DIS3L2: variants seen among roughly 807,000 people sequenced by gnomAD.
The protein encoded by DIS3L2 is DIS3-like exonuclease 2.
A neutral mutation model predicts 97.5 loss-of-function variants in DIS3L2; 34 were observed. The observed-to-expected ratio is 0.35, with a 90% CI of 0.27 to 0.46. The LOEUF is 0.46. Ranked by LOEUF, DIS3L2 falls within the 20% of genes least tolerant of loss-of-function variation. The pLI is 1.00. For synonymous variants in DIS3L2, 435 were observed against 445.2 expected (o/e 0.98, Z 0.29); for missense variants, 1,038 against 1,146.0 (o/e 0.91, Z 1.36).
intron 14 of DIS3L2, among the ~76,000 whole-genome samples, chr2:232,309,834 A>G (rs191063839): frequency 4.6e-5 from 7 of 152,336 alleles, no homozygotes; most frequent in African/African-American, 1.7e-4. Flanking sequence ...AGTTGGGGAC[A>G]TTGTCAGTAG....
rs202227137 is a variant in DIS3L2 at position 232,329,909 on chromosome 2, G to A, written c.1836G>A (p.Pro612=). 6.8e-5 allele frequency: 109 copies of A among 1,607,572 alleles called. No individual in the cohort carries two copies. The highest frequency in any genetic ancestry group is 2.5e-4 in the Admixed American group (15 of 59,370). The part of the protein sequence containing the change: ...PEQALLRRHP[P]PQTRMLSDLV... The stretch of plus-strand genomic sequence containing the variant: ...AGGCCCTGCTGCGCCGGCACCCCCC[G>A]CCCCAAACAAGGATGCTCAGTGACC... The change falls in exon 15 of 21, where the codon CCG becomes CCA. Residue 612 remains proline, a synonymous_variant. Coordinates refer to ENST00000325385, the MANE Select transcript of DIS3L2 (RefSeq NM_152383.5).
intron 4 of DIS3L2, among the ~76,000 whole-genome samples, chr2:232,028,956 G>A (rs908226432): frequency 5.9e-5 from 9 of 152,168 alleles, no homozygotes; most frequent in Non-Finnish European, 1.0e-4. Flanking sequence ...TTTGTAAGTG[G>A]AAGCTGTAAA....
intron 8 of DIS3L2, 125 bp from the exon 9 acceptor site, chr2:232,163,334 T>C: frequency 1.1e-6 from 1 of 884,760 alleles, no homozygotes; most frequent in South Asian, 1.9e-5. Flanking sequence ...CGGATGATCA[T>C]GTTTCTACTG....
chr2:232,329,786 C>CCCAGG, intron 14 of DIS3L2, 27 bp from the exon 15 acceptor site: 1 of 430,234 alleles, frequency 2.3e-6, no homozygotes, highest in Non-Finnish European at 4.2e-6. Flanking sequence ...CCCCAGCGGT[C>CCCAGG]CCTCCCATCC....
In DIS3L2 at chr2:232,238,908, G is replaced by A. The variant is rs911193222; in HGVS notation, c.1317+263G>A. ...CTCGGCAAACTCAGCCCACACTAGC[G>A]ACTAGTTTTTGTAAGGTTTTATTGG... On this transcript the variant is annotated intron_variant, in intron 11 of 20. Coordinates refer to ENST00000325385, the MANE Select transcript of DIS3L2 (RefSeq NM_152383.5). Among the ~76,000 whole-genome samples the A allele has an allele frequency of 5.3e-5, 8 of 152,174 alleles. 1 individual carries two copies. The highest frequency in any genetic ancestry group is 2.0e-4 in the Admixed American group (3 of 15,274).
At chr2:232,224,891 G>C (rs1692602818) in intron 10 of DIS3L2, among the ~76,000 whole-genome samples, 2 of 151,260 alleles carry the variant, frequency 1.3e-5, no homozygotes, top group Admixed American at 1.3e-4. Context: ...CACAGAGTGG[G>C]AGAAGATATT....
intron 5 of DIS3L2, among the ~76,000 whole-genome samples, chr2:232,045,425 T>C (rs1695211066): frequency 6.6e-6 from 1 of 152,136 alleles, no homozygotes; most frequent in African/African-American, 2.4e-5. Flanking sequence ...ACTGGGTGAT[T>C]TATAAAGAAT....
At chr2:232,207,561 A>G (rs932990806) in intron 9 of DIS3L2, among the ~76,000 whole-genome samples, 1 of 152,152 alleles carries the variant, frequency 6.6e-6, no homozygotes. Flanking sequence ...TGAGGCTTCA[A>G]CCTTCATGTT....
At chr2:232,131,162 C>T (rs1014598250) in intron 7 of DIS3L2, 1 of 154,338 alleles carries the variant, frequency 6.5e-6, no homozygotes, top group African/African-American at 2.4e-5. Context: ...TTTAGTTTTT[C>T]CAAAGTATTC....
In DIS3L2 at chr2:232,269,388, T is replaced by C. The variant is rs1165879585; in HGVS notation, c.1659+5948T>C. Reference sequence around the variant, plus strand: ...GGCTCTTCCTTGGTCTTATTATTTATGTTGTCACTTAAACACACGAGGAAG... The same window carrying C: ...GGCTCTTCCTTGGTCTTATTATTTACGTTGTCACTTAAACACACGAGGAAG... On this transcript the variant is annotated intron_variant, in intron 13 of 20. Coordinates refer to ENST00000325385, the MANE Select transcript of DIS3L2 (RefSeq NM_152383.5). This position sits in a 1 kb window ranked among gnomAD's most constrained non-coding sequence, Gnocchi z 4.5. Among the ~76,000 whole-genome samples, 2 of 152,234 alleles carry C rather than the reference T, an allele frequency of 1.3e-5. No individual in the cohort carries two copies. Among genetic ancestry groups the C allele is most frequent in the Admixed American group, 1.3e-4 (2 of 15,288 alleles).
intron 14 of DIS3L2, among the ~76,000 whole-genome samples, chr2:232,315,786 C>T (rs780704831): frequency 2.0e-5 from 3 of 152,198 alleles, no homozygotes; most frequent in Non-Finnish European, 4.4e-5. Context: ...CTCATGCCCA[C>T]TGAATTAAGC....
At position 232,087,619 on chromosome 2, in the gene DIS3L2, G is replaced by A; in HGVS notation, c.499G>A (p.Glu167Lys). The change falls in exon 6 of 21, where the codon GAG becomes AAG. Residue 167 changes from glutamate (E) to lysine (K), a missense_variant. By Grantham distance (56) the Glu-to-Lys change is moderately conservative. Transcript: ENST00000325385. Reference sequence around the variant, plus strand: ...TAATGACAGTCCTGATGTCATTGTAGAGGCTCAGTTTGATGGCAGCGACTC... The same window carrying A: ...TAATGACAGTCCTGATGTCATTGTAAAGGCTCAGTTTGATGGCAGCGACTC... ...SYNDSPDVIV[E>K]AQFDGSDSED... 1.2e-6 allele frequency: 2 copies of A among 1,614,204 alleles called. No individual in the cohort carries two copies. The highest frequency in any genetic ancestry group is 1.7e-6 in the Non-Finnish European group (2 of 1,180,044).
chr2:232,109,751 A>G (rs1697468522), intron 6 of DIS3L2, among the ~76,000 whole-genome samples: 1 of 152,192 alleles, frequency 6.6e-6, no homozygotes, highest in South Asian at 2.1e-4. Context: ...AAAACCCTAA[A>G]CTATAAAAGA....
chr2:232,102,398 T>C (rs1211239950), intron 6 of DIS3L2, among the ~76,000 whole-genome samples: 5 of 152,174 alleles, frequency 3.3e-5, no homozygotes, highest in African/African-American at 1.2e-4. Flanking sequence ...GAGTGGATAT[T>C]AGGTGACATT....
intron 8 of DIS3L2, among the ~76,000 whole-genome samples, chr2:232,143,732 A>G (rs1690136008): frequency 6.6e-6 from 1 of 152,120 alleles, no homozygotes; most frequent in South Asian, 2.1e-4. Context: ...ATAATTTTTG[A>G]AACCTAATAC....
intron 5 of DIS3L2, among the ~76,000 whole-genome samples, chr2:232,030,970 T>C (rs1191334952): frequency 6.6e-6 from 1 of 152,224 alleles, no homozygotes; most frequent in Non-Finnish European, 1.5e-5. Flanking sequence ...TATAGAGTAG[T>C]GACTAAAAGT....
intron 16 of DIS3L2, among the ~76,000 whole-genome samples, chr2:232,333,411 ACT>A (rs1224188902): frequency 6.8e-6 from 1 of 148,044 alleles, no homozygotes; most frequent in African/African-American, 2.5e-5. Context: ...TAGGCCAGAG[ACT>A]CTTCCCTCCT....
chr2:231,994,359 C>T (rs943686918), intron 1 of DIS3L2, among the ~76,000 whole-genome samples: 1 of 151,830 alleles, frequency 6.6e-6, no homozygotes, highest in African/African-American at 2.4e-5. Flanking sequence ...TTTAGTTATT[C>T]TAGTTCCTTT....
chr2:232,136,858 T>C (rs1698373640), intron 8 of DIS3L2, 139 bp downstream of exon 8: 3 of 1,127,038 alleles, frequency 2.7e-6, no homozygotes, highest in South Asian at 1.7e-5. Context: ...TCCTGATTCT[T>C]CAGAAGTCAC....
Sources: gnomAD v4.1 joint callset for allele counts (sites outside exome capture counted in the v4.1 genomes callset) on GRCh38, gnomAD v4.1.1 for gene constraint, Gnocchi (gnomAD v3.1) non-coding constraint, MANE v1.5 for transcripts, NCBI Gene and HGNC (gene_info 2026-07-23, HGNC 2026-07-21) for gene names.